Variants in ZNF385D observed in about 807,000 individuals in gnomAD.
ZNF385D encodes zinc finger protein 385D.
In ZNF385D, 15 loss-of-function variants were observed where a neutral mutation model predicts 35.8. The ratio of observed to expected loss-of-function variants is 0.42; its 90% confidence interval spans 0.28 to 0.64. The LOEUF (loss-of-function observed/expected upper bound fraction) is 0.64, where lower values mean the gene tolerates loss of function less well. Ranked by LOEUF, ZNF385D falls within the 30% of genes least tolerant of loss-of-function variation. The pLI is 0.23. For synonymous variants in ZNF385D, 212 were observed against 186.8 expected (o/e 1.13, Z -1.10); for missense variants, 474 against 494.6 (o/e 0.96, Z 0.39).
intron 3 of ZNF385D, among the ~76,000 whole-genome samples, chr3:21,909,423 A>C (rs1395944525): frequency 6.6e-6 from 1 of 152,122 alleles, no homozygotes; most frequent in African/African-American, 2.4e-5. Flanking sequence ...ATGACTGATA[A>C]TAACATCAGA....
intron 3 of ZNF385D, among the ~76,000 whole-genome samples, chr3:22,116,845 A>G (rs1265290208): frequency 1.3e-5 from 2 of 152,090 alleles, no homozygotes; most frequent in Non-Finnish European, 1.5e-5. Flanking sequence ...TAAGCTCTTT[A>G]TAGAAATTGT....
At chr3:22,064,310 G>A (rs1026461799) in intron 3 of ZNF385D, among the ~76,000 whole-genome samples, 1 of 152,140 alleles carries the variant, frequency 6.6e-6, no homozygotes, top group African/African-American at 2.4e-5. Context: ...AATTAGAAGA[G>A]CACAGAGGAG....
chr3:21,856,611 G>A (rs762254374), intron 3 of ZNF385D, among the ~76,000 whole-genome samples: 59 of 151,648 alleles, frequency 3.9e-4, no homozygotes, highest in Non-Finnish European at 2.9e-4. Context: ...ATTCTGTTGG[G>A]TCCACATTCA....
intron 2 of ZNF385D, among the ~76,000 whole-genome samples, chr3:22,211,808 C>T (rs999306418): frequency 5.9e-5 from 9 of 151,944 alleles, no homozygotes; most frequent in African/African-American, 2.2e-4. Flanking sequence ...ATTTCTTGTA[C>T]TGCAGTGTAT....
chr3:21,889,905 G>C (rs1490023085), intron 3 of ZNF385D, among the ~76,000 whole-genome samples: 1 of 152,084 alleles, frequency 6.6e-6, no homozygotes, highest in Admixed American at 6.6e-5. Flanking sequence ...ACTTTGGCTT[G>C]TGTCAGTAAG....
Position 21,612,969 on chromosome 3 carries a change from C to T in ZNF385D, c.166-48285G>A, listed in dbSNP as rs373780472. ...ATAATGGTCAAAAAACAAACATCTTCATGCAACATCTTTTTTCTTTTTTCT... is the reference window on the plus strand; with the variant it reads ...ATAATGGTCAAAAAACAAACATCTTTATGCAACATCTTTTTTCTTTTTTCT... On this transcript the variant is annotated intron_variant, in intron 2 of 7. Coordinates refer to ENST00000281523, the MANE Select transcript of ZNF385D (RefSeq NM_024697.3). Among the ~76,000 whole-genome samples the T allele has an allele frequency of 1.4e-4, 21 of 150,006 alleles. No homozygotes were observed. The South Asian group carries it at 4.0e-3, about 29-fold the overall frequency.
intron 3 of ZNF385D, among the ~76,000 whole-genome samples, chr3:21,553,390 T>A (rs1001573348): frequency 7.2e-4 from 109 of 152,348 alleles, no homozygotes; most frequent in African/African-American, 2.5e-3. Context: ...AATAATATTA[T>A]GTCTAAAAAT....
At chr3:21,673,891 G>A (rs536605545) in intron 1 of ZNF385D, among the ~76,000 whole-genome samples, 1 of 152,118 alleles carries the variant, frequency 6.6e-6, no homozygotes, top group South Asian at 2.1e-4. Context: ...CTCATTAATG[G>A]CAAGTGTTTA....
At chr3:21,843,691 A>G (rs1001638841) in intron 3 of ZNF385D, among the ~76,000 whole-genome samples, 4 of 152,020 alleles carry the variant, frequency 2.6e-5, no homozygotes, top group East Asian at 1.9e-4. Flanking sequence ...AGAAGATGAT[A>G]AAGGGGAATA....
chr3:21,952,211 T>C (rs141590406), intron 3 of ZNF385D, among the ~76,000 whole-genome samples: 1 of 152,036 alleles, frequency 6.6e-6, no homozygotes, highest in Non-Finnish European at 1.5e-5. Context: ...GACCCCTCAG[T>C]AGGATACTCT....
intron 2 of ZNF385D, among the ~76,000 whole-genome samples, chr3:21,566,938 TATC>T (rs1308742765): frequency 6.6e-6 from 1 of 152,208 alleles, no homozygotes; most frequent in African/African-American, 2.4e-5. Context: ...ACATAAATGT[TATC>T]ATAGAGTATG....
At chr3:21,927,574 C>A (rs1700792668) in intron 3 of ZNF385D, among the ~76,000 whole-genome samples, 1 of 152,138 alleles carries the variant, frequency 6.6e-6, no homozygotes, top group Non-Finnish European at 1.5e-5. Context: ...TAAAGTTGAA[C>A]TATATCCTCT....
intron 3 of ZNF385D, among the ~76,000 whole-genome samples, chr3:21,757,894 A>G (rs187453083): frequency 2.0e-5 from 3 of 152,284 alleles, no homozygotes; most frequent in Admixed American, 1.3e-4. Flanking sequence ...TGTCTGAAAC[A>G]TAGGAGACAT....
At chr3:21,509,495 G>C (rs1349407873) in intron 4 of ZNF385D, among the ~76,000 whole-genome samples, 1 of 152,122 alleles carries the variant, frequency 6.6e-6, no homozygotes, top group Non-Finnish European at 1.5e-5. Flanking sequence ...TTCCCTAAAA[G>C]GTTTAAATCT....
At chr3:21,654,543 A>G (rs2066016143) in intron 2 of ZNF385D, among the ~76,000 whole-genome samples, 1 of 152,028 alleles carries the variant, frequency 6.6e-6, no homozygotes, top group South Asian at 2.1e-4. Context: ...CCTTTTCTAC[A>G]TGTAAATGGA....
rs564988261 is a variant in ZNF385D, at chr3:21,415,250, T to C, written c.*5964A>G. The C allele has an allele frequency of 6.6e-6, 1 of 152,278 alleles. No individual in the cohort carries two copies. The highest frequency in any genetic ancestry group is 2.4e-5 in the African/African-American group (1 of 41,552). 9.4% of individuals were successfully genotyped at this position (152,278 alleles called of 1,614,324 possible). ...CTGCTAATTTTCCGTTGTCTTGTTA[T>C]ACCATGTCCTGCACACTACCTGGAT... On this transcript the variant is annotated 3_prime_UTR_variant, in exon 8 of 8. Transcript: ENST00000281523.
intron 4 of ZNF385D, among the ~76,000 whole-genome samples, chr3:21,453,394 C>T (rs906238466): frequency 3.3e-5 from 5 of 151,734 alleles, no homozygotes; most frequent in South Asian, 2.1e-4. Context: ...TAAGTTTTTT[C>T]GTGTGTAAAA....
In ZNF385D at chr3:21,424,047, C is replaced by T. The variant is rs1196431573; in HGVS notation, c.870G>A (p.Arg290=). Reference sequence around the variant, plus strand: ...GCTTCCCAGCAGCTCTGTCTTTGTGCCTTCTACTGCTAATGTGCTATTAAA... The same window carrying T: ...GCTTCCCAGCAGCTCTGTCTTTGTGTCTTCTACTGCTAATGTGCTATTAAA... The part of the protein sequence containing the change: ...TQLKQHISSR[R]HKDRAAGKPP... Residue 290 remains arginine, a synonymous_variant, in exon 7 of 8, where the codon AGG becomes AGA. Transcript: ENST00000281523. The T allele has an allele frequency of 1.9e-6, 3 of 1,594,374 alleles. No individual in the cohort carries two copies. Among genetic ancestry groups the T allele is most frequent in the Admixed American group, 3.6e-5 (2 of 55,058 alleles).
chr3:21,883,364 A>G (rs1698376296), intron 3 of ZNF385D, among the ~76,000 whole-genome samples: 2 of 152,026 alleles, frequency 1.3e-5, no homozygotes, highest in Admixed American at 1.3e-4. Flanking sequence ...AATAAAACTA[A>G]ATGATTTTTC....
Sources: gnomAD v4.1 joint callset for allele counts (sites outside exome capture counted in the v4.1 genomes callset) on GRCh38, gnomAD v4.1.1 for gene constraint, MANE v1.5 for transcripts, NCBI Gene and HGNC (gene_info 2026-07-23, HGNC 2026-07-21) for gene names.